The following ATXN7L1 variants were observed in gnomAD, a reference collection of about 807,000 sequenced individuals.
The protein encoded by ATXN7L1 is ataxin 7 like 1.
A neutral mutation model predicts 70.8 loss-of-function variants in ATXN7L1; 15 were observed. The ratio of observed to expected loss-of-function variants is 0.21; its 90% CI spans 0.14 to 0.33. The LOEUF is 0.33. ATXN7L1 is among the 10% of genes least tolerant of loss of function. ATXN7L1 has a pLI of 1.00. For synonymous variants in ATXN7L1, 440 were observed against 445.1 expected (o/e 0.99, Z 0.14); for missense variants, 975 against 1,097.1 (o/e 0.89, Z 1.57).
At chr7:105,662,358 T>C (rs1801843745) in intron 4 of ATXN7L1, among the ~76,000 whole-genome samples, 1 of 152,142 alleles carries the variant, frequency 6.6e-6, no homozygotes, top group South Asian at 2.1e-4. Context: ...CATCTCGGCC[T>C]CCCAAAGTGC....
chr7:105,649,377 T>A lies in ATXN7L1; in HGVS notation c.579-6256A>T, dbSNP rs189512311. On this transcript the variant is annotated intron_variant, in intron 4 of 11. Transcript: ENST00000419735. ...CCAATGCCGAGAACACCCTCCCTCA[T>A]CCCCCTTGCTACGTGGGGGCGATAT... 7.4e-5 allele frequency: 73 copies of A among 987,428 alleles called. No individual in the cohort carries two copies. The African/African-American group carries it at 1.2e-3, about 16-fold the overall frequency. 61.2% of individuals were successfully genotyped at this position (987,428 alleles called of 1,614,324 possible).
At chr7:105,638,649 A>G (rs771745383) in intron 6 of ATXN7L1, 40 bp from the exon 7 acceptor site, 1 of 1,524,822 alleles carries the variant, frequency 6.6e-7, no homozygotes, top group South Asian at 1.3e-5. Flanking sequence ...CTCTTTGATC[A>G]GCACATAAAC....
At chr7:105,667,668 C>G (rs1802860645) in intron 3 of ATXN7L1, among the ~76,000 whole-genome samples, 1 of 91,528 alleles carries the variant, frequency 1.1e-5, no homozygotes, top group Non-Finnish European at 2.3e-5. Flanking sequence ...CACTGCACTC[C>G]AGCCTGGGCG....
chr7:105,840,459 C>T (rs897407392), intron 2 of ATXN7L1, among the ~76,000 whole-genome samples: 2 of 152,174 alleles, frequency 1.3e-5, no homozygotes, highest in African/African-American at 4.8e-5. Context: ...AAAAGCCTGG[C>T]GCCTTGAATG....
intron 3 of ATXN7L1, among the ~76,000 whole-genome samples, chr7:105,751,549 T>C (rs1393871013): frequency 6.6e-6 from 1 of 151,946 alleles, no homozygotes; most frequent in Non-Finnish European, 1.5e-5. Flanking sequence ...GGTGGGAGGA[T>C]TGAATAAGCC....
In ATXN7L1 at chr7:105,664,973, A is replaced by G. The variant is rs80307902; in HGVS notation, c.578+93T>C. 4.8e-3 allele frequency: 6,122 copies of G among 1,283,040 alleles called. 225 individuals are homozygous for G. The African/African-American group carries it at 0.081, about 17-fold the overall frequency. 79.5% of individuals were successfully genotyped at this position (1,283,040 alleles called of 1,614,324 possible). ...CCCCAAATTCCTGCATGTGACACCTAGGAACAAAGCCAGAGAGTAAATACT... is the reference window on the plus strand; with the variant it reads ...CCCCAAATTCCTGCATGTGACACCTGGGAACAAAGCCAGAGAGTAAATACT... On this transcript the variant is annotated intron_variant, in intron 4 of 11. Transcript: ENST00000419735.
At chr7:105,629,798 G>A (rs1325423855) in intron 7 of ATXN7L1, among the ~76,000 whole-genome samples, 2 of 151,020 alleles carry the variant, frequency 1.3e-5, no homozygotes, top group Non-Finnish European at 2.9e-5. Flanking sequence ...GATTACAGGT[G>A]TAGGCCTCCG....
At chr7:105,807,097 C>T (rs928140922) in intron 2 of ATXN7L1, among the ~76,000 whole-genome samples, 9 of 152,178 alleles carry the variant, frequency 5.9e-5, no homozygotes. Context: ...CACCTGTTGC[C>T]CCAGGATTTG....
intron 7 of ATXN7L1, among the ~76,000 whole-genome samples, chr7:105,624,950 T>C (rs1403641386): frequency 6.6e-6 from 1 of 152,220 alleles, no homozygotes; most frequent in Non-Finnish European, 1.5e-5. Context: ...TGCAGGTAAG[T>C]AAGTTGTACT....
chr7:105,728,631 G>T (rs1318244998), intron 3 of ATXN7L1, among the ~76,000 whole-genome samples: 1 of 152,148 alleles, frequency 6.6e-6, no homozygotes, highest in Non-Finnish European at 1.5e-5. Flanking sequence ...CACTCCAGCT[G>T]CAATGAGCAT....
At chr7:105,636,721 T>G (rs543409344) in intron 7 of ATXN7L1, among the ~76,000 whole-genome samples, 1 of 152,262 alleles carries the variant, frequency 6.6e-6, no homozygotes, top group East Asian at 1.9e-4. Flanking sequence ...GAGATTTGTA[T>G]AGTCAAAGAA....
chr7:105,837,949 G>A (rs952839021), intron 2 of ATXN7L1, among the ~76,000 whole-genome samples: 5 of 152,122 alleles, frequency 3.3e-5, no homozygotes, highest in Admixed American at 1.3e-4. Context: ...AGCAGGAGTC[G>A]GGCTGCACAG....
chr7:105,804,001 C>T (rs940491598), intron 2 of ATXN7L1, among the ~76,000 whole-genome samples: 5 of 152,134 alleles, frequency 3.3e-5, no homozygotes, highest in Non-Finnish European at 5.9e-5. Context: ...TGTCCCTGTC[C>T]CCTCCCTGAC....
chr7:105,837,258 G>C (rs1187920019), intron 2 of ATXN7L1, among the ~76,000 whole-genome samples: 1 of 152,080 alleles, frequency 6.6e-6, no homozygotes, highest in African/African-American at 2.4e-5. Flanking sequence ...CATGAGATCT[G>C]GGTGGGGACA....
chr7:105,724,863 G>A (rs561387402), intron 3 of ATXN7L1, among the ~76,000 whole-genome samples: 1 of 148,590 alleles, frequency 6.7e-6, no homozygotes, highest in Admixed American at 6.8e-5. Context: ...ATCTTGCTCT[G>A]TCGCCCAGGC....
At chr7:105,776,312 C>T (rs1222700923) in intron 3 of ATXN7L1, among the ~76,000 whole-genome samples, 1 of 152,202 alleles carries the variant, frequency 6.6e-6, no homozygotes, top group Non-Finnish European at 1.5e-5. Flanking sequence ...GCCTTTCCAA[C>T]TGCGTCTCAA....
chr7:105,646,487 G>A (rs563037293), intron 4 of ATXN7L1, among the ~76,000 whole-genome samples: 2 of 152,082 alleles, frequency 1.3e-5, no homozygotes, highest in South Asian at 2.1e-4. Flanking sequence ...GCACAATCTC[G>A]GCTCACTGCA....
intron 3 of ATXN7L1, among the ~76,000 whole-genome samples, chr7:105,673,903 G>A (rs1284411138): frequency 6.6e-6 from 1 of 152,232 alleles, no homozygotes; most frequent in African/African-American, 2.4e-5. Context: ...TGTAAGGGGG[G>A]ATATTGAATC....
chr7:105,727,681 AAAAG>A (rs1242955343), intron 3 of ATXN7L1, among the ~76,000 whole-genome samples: 10 of 142,952 alleles, frequency 7.0e-5, no homozygotes, highest in South Asian at 4.4e-4. Context: ...AAAAAAAAAA[AAAAG>A]AAAAGAAAAA....
Sources: allele counts gnomAD v4.1 joint callset (sites outside exome capture counted in the v4.1 genomes callset), GRCh38; gene constraint gnomAD v4.1.1; transcripts MANE v1.5; gene names NCBI Gene and HGNC (gene_info 2026-07-23, HGNC 2026-07-21).